Variants in MAF observed in about 807,000 individuals in gnomAD.
MAF encodes MAF bZIP transcription factor, also known as transcription factor Maf.
A neutral mutation model predicts 22.0 loss-of-function variants in MAF; 10 were observed. That is an observed-to-expected ratio of 0.45 (90% CI 0.28 to 0.77). MAF has a LOEUF of 0.77. Among genes scored for constraint, MAF ranks in the 30% least tolerant of loss-of-function variants. The pLI, the probability that MAF is intolerant of heterozygous loss-of-function variation, is 0.12. For synonymous variants in MAF, 337 were observed against 255.8 expected (o/e 1.32, Z -3.03); for missense variants, 544 against 548.4 (o/e 0.99, Z 0.08).
the MAF span, among the ~76,000 whole-genome samples, chr16:79,358,160 C>T: frequency 2.0e-5 from 3 of 152,192 alleles, no homozygotes; most frequent in African/African-American, 7.2e-5. Context: ...TTCCCACCAA[C>T]AGCTAAACTG....
At chr16:79,334,240 CGTGCAATGGACTAT>C in the MAF span, among the ~76,000 whole-genome samples, 1 of 152,188 alleles carries the variant, frequency 6.6e-6, no homozygotes, top group Non-Finnish European at 1.5e-5. Flanking sequence ...GGGCTGCAGT[CGTGCAATGGACTAT>C]TGCACAGCGA....
the MAF span, among the ~76,000 whole-genome samples, chr16:79,380,865 G>C: frequency 6.6e-6 from 1 of 152,334 alleles, no homozygotes; most frequent in South Asian, 2.1e-4. Context: ...TGACCTCTTT[G>C]GGGGCACATT....
the MAF span, among the ~76,000 whole-genome samples, chr16:79,557,562 G>C: frequency 6.6e-6 from 1 of 151,800 alleles, no homozygotes; most frequent in African/African-American, 2.4e-5. Flanking sequence ...GGCCTTGGGC[G>C]TGTTACAGCC....
the MAF span, among the ~76,000 whole-genome samples, chr16:79,273,583 C>G: frequency 6.6e-6 from 1 of 152,166 alleles, no homozygotes; most frequent in African/African-American, 2.4e-5. Flanking sequence ...CCTTTTCCAG[C>G]TTCTAGAGGC....
At chr16:79,382,085 CT>C in the MAF span, among the ~76,000 whole-genome samples, 1 of 152,158 alleles carries the variant, frequency 6.6e-6, no homozygotes, top group Non-Finnish European at 1.5e-5. Context: ...TACAGGGGAG[CT>C]TTCAACTTAG....
chr16:79,519,126 C>T, the MAF span, among the ~76,000 whole-genome samples: 3 of 152,076 alleles, frequency 2.0e-5, no homozygotes, highest in Non-Finnish European at 4.4e-5. Context: ...CTTGGTTGAT[C>T]CTCACAACAT....
the MAF span, among the ~76,000 whole-genome samples, chr16:79,485,978 C>T: frequency 9.2e-5 from 14 of 152,336 alleles, no homozygotes; most frequent in Middle Eastern, 3.4e-3. Flanking sequence ...GACAAAAAAT[C>T]TGGACCACTG....
chr16:79,411,908 G>A, the MAF span, among the ~76,000 whole-genome samples: 1 of 149,688 alleles, frequency 6.7e-6, no homozygotes, highest in African/African-American at 2.5e-5. Flanking sequence ...ATATGTAGTA[G>A]GGTCACCAGA....
the MAF span, among the ~76,000 whole-genome samples, chr16:79,424,125 A>G: frequency 0.67 from 102,377 of 152,120 alleles, 35,548 homozygotes; most frequent in East Asian, 0.92. Flanking sequence ...CCACATGGTC[A>G]TCAAGGCAGG....
At chr16:79,482,253 G>T in the MAF span, among the ~76,000 whole-genome samples, 1 of 152,084 alleles carries the variant, frequency 6.6e-6, no homozygotes. Context: ...AACATTCTTG[G>T]CACTTTCCTT....
At chr16:79,267,547 T>A in the MAF span, among the ~76,000 whole-genome samples, 13 of 152,294 alleles carry the variant, frequency 8.5e-5, no homozygotes, top group East Asian at 2.5e-3. Flanking sequence ...CACAGAGGGA[T>A]AATGGCAGAA....
At chr16:79,219,985 C>T in the MAF span, among the ~76,000 whole-genome samples, 1 of 152,152 alleles carries the variant, frequency 6.6e-6, no homozygotes, top group East Asian at 1.9e-4. Flanking sequence ...AAATGTACTG[C>T]TGTTTTTATT....
At chr16:79,306,338 T>G in the MAF span, among the ~76,000 whole-genome samples, 1 of 152,168 alleles carries the variant, frequency 6.6e-6, no homozygotes, top group African/African-American at 2.4e-5. Flanking sequence ...CCTCACAGGC[T>G]GTAATGGATG....
the MAF span, among the ~76,000 whole-genome samples, chr16:79,580,159 A>G: frequency 5.3e-5 from 8 of 152,172 alleles, no homozygotes; most frequent in Non-Finnish European, 1.2e-4. Context: ...TTCCAGGGTC[A>G]GGACCAAAAC....
At chr16:79,212,294 G>C in the MAF span, 13 of 1,038,908 alleles carry the variant, frequency 1.3e-5, no homozygotes, top group Middle Eastern at 3.2e-4. Context: ...AGCCAGCTTA[G>C]CAACTGCTGG....
At chr16:79,285,253 AT>A in the MAF span, among the ~76,000 whole-genome samples, 44 of 152,146 alleles carry the variant, frequency 2.9e-4, no homozygotes, top group African/African-American at 1.1e-3. Flanking sequence ...TATTAAAAAA[AT>A]ATTTTTAATA....
At chr16:79,221,463 T>A in the MAF span, among the ~76,000 whole-genome samples, 1 of 152,076 alleles carries the variant, frequency 6.6e-6, no homozygotes, top group East Asian at 1.9e-4. Context: ...GCAGAAGACA[T>A]GAAAAAAATG....
At chr16:79,461,716 T>C in the MAF span, among the ~76,000 whole-genome samples, 1 of 152,258 alleles carries the variant, frequency 6.6e-6, no homozygotes, top group East Asian at 1.9e-4. Flanking sequence ...ATGTGGTTAC[T>C]GTTTGGAGAG....
At chr16:79,521,917 G>C in the MAF span, among the ~76,000 whole-genome samples, 1 of 152,124 alleles carries the variant, frequency 6.6e-6, no homozygotes, top group African/African-American at 2.4e-5. Flanking sequence ...GCTGGGCTCT[G>C]GGGAAATAAA....
Sources: allele counts gnomAD v4.1 joint callset (sites outside exome capture counted in the v4.1 genomes callset), GRCh38; gene constraint gnomAD v4.1.1; transcripts MANE v1.5; gene names NCBI Gene and HGNC (gene_info 2026-07-23, HGNC 2026-07-21).